The following MED13L variants were observed in gnomAD, a reference collection of about 807,000 sequenced individuals.
MED13L encodes the protein mediator of RNA polymerase II transcription subunit 13-like.
In MED13L, 7 loss-of-function variants were observed where a neutral mutation model predicts 220.9. The ratio of observed to expected loss-of-function variants is 0.03; its 90% CI spans 0.02 to 0.06. MED13L has a LOEUF of 0.06. Ranked by LOEUF, MED13L falls within the 10% of genes least tolerant of loss-of-function variation. The probability of loss-of-function intolerance (pLI) is 1.00; values close to 1 mark genes in which losing one functional copy is unlikely to be tolerated. For missense variants in MED13L, 1,965 were observed against 2,760.5 expected, an observed-to-expected ratio of 0.71 and a Z score of 6.46; for synonymous variants, 1,011 against 1,015.2, an observed-to-expected ratio of 1.00 and a Z score of 0.08.
chr12:116,150,443 C>G (rs1877947180), intron 2 of MED13L, among the ~76,000 whole-genome samples: 1 of 152,170 alleles, frequency 6.6e-6, no homozygotes, highest in Non-Finnish European at 1.5e-5. Flanking sequence ...ATTTAGTAAA[C>G]TAAACTTCTA....
chr12:116,029,375 T>C (rs1880590941), intron 4 of MED13L, among the ~76,000 whole-genome samples: 1 of 151,826 alleles, frequency 6.6e-6, no homozygotes, highest in Non-Finnish European at 1.5e-5. Context: ...CTGCCATTTT[T>C]AAAGACATTT....
At chr12:116,172,384 T>A (rs1214859208) in intron 2 of MED13L, among the ~76,000 whole-genome samples, 1 of 152,228 alleles carries the variant, frequency 6.6e-6, no homozygotes, top group Admixed American at 6.5e-5. Flanking sequence ...CCAGGTAGCC[T>A]GCTATGTCAC....
At chr12:116,179,312 T>C (rs1880323406) in intron 2 of MED13L, among the ~76,000 whole-genome samples, 1 of 151,976 alleles carries the variant, frequency 6.6e-6, no homozygotes, top group Non-Finnish European at 1.5e-5. Flanking sequence ...TAATTTATGT[T>C]ACAATATAAA....
rs1878414759 is a variant in MED13L at position 115,996,503 on chromosome 12, G to C, written c.2969C>G (p.Ala990Gly). ...PKIEQLPMPP[A>G]ATFIRDGYNN... is the part of the protein sequence containing the mutation. ...GTAGCCATCTCTAATGAAAGTGGCT[G>C]CAGGGGGCATGGGCAGTTGTTCAAT... The change falls in exon 16 of 31, where the codon GCA (alanine) becomes GGA (glycine). Residue 990 changes from alanine (A) to glycine (G), a missense_variant. By Grantham distance (60) the Ala-to-Gly change is moderately conservative. This residue lies in a region of MED13L where 233 missense variants were observed against 306.2 expected (regional missense o/e 0.76). Coordinates refer to ENST00000281928, the MANE Select transcript of MED13L (RefSeq NM_015335.5). 6.2e-7 allele frequency: 1 copy of C among 1,614,138 alleles called. No individual in the cohort carries two copies.
chr12:116,233,260 T>C (rs1483272625), intron 2 of MED13L, among the ~76,000 whole-genome samples: 1 of 152,162 alleles, frequency 6.6e-6, no homozygotes, highest in Admixed American at 6.5e-5. Context: ...AATTATAGTA[T>C]ATAATCATTA....
chr12:116,006,278 A>G, intron 12 of MED13L, 28 bp downstream of exon 12: 5 of 1,584,762 alleles, frequency 3.2e-6, no homozygotes, highest in Non-Finnish European at 4.3e-6. Context: ...GCAACAATCC[A>G]AGTGAGGCAA....
At chr12:115,995,780 T>G (rs1314891808) in intron 16 of MED13L, among the ~76,000 whole-genome samples, 1 of 152,130 alleles carries the variant, frequency 6.6e-6, no homozygotes, top group Non-Finnish European at 1.5e-5. Context: ...GGGGAAATCA[T>G]CTAACTCAAA....
chr12:116,033,501 T>G (rs1424229508), intron 4 of MED13L, among the ~76,000 whole-genome samples: 1 of 152,236 alleles, frequency 6.6e-6, no homozygotes, highest in Non-Finnish European at 1.5e-5. Context: ...GTGTTACAAG[T>G]ATGTCTCCAA....
intron 4 of MED13L, among the ~76,000 whole-genome samples, chr12:116,049,277 C>T (rs1023456983): frequency 7.2e-5 from 11 of 152,150 alleles, no homozygotes; most frequent in Non-Finnish European, 1.5e-4. Flanking sequence ...GAGATAACTG[C>T]TCATAAACCA....
At chr12:115,970,899 C>T (rs192280369) in intron 26 of MED13L, 129 bp from the exon 27 acceptor site, 62 of 890,464 alleles carry the variant, frequency 7.0e-5, no homozygotes, top group Non-Finnish European at 9.9e-5. Flanking sequence ...AAAATTGAGT[C>T]CAATTGTTTA....
At chr12:115,975,122 G>C in intron 25 of MED13L, 49 bp downstream of exon 25, 1 of 1,569,008 alleles carries the variant, frequency 6.4e-7, no homozygotes, top group Non-Finnish European at 8.8e-7. Flanking sequence ...GACAATAGCT[G>C]AGCCCTTTTC....
At chr12:116,231,494 T>C (rs187871062) in intron 2 of MED13L, among the ~76,000 whole-genome samples, 4 of 152,256 alleles carry the variant, frequency 2.6e-5, no homozygotes, top group Non-Finnish European at 5.9e-5. Context: ...ATCAATATCA[T>C]TGATCCCCAA....
intron 2 of MED13L, among the ~76,000 whole-genome samples, chr12:116,149,052 T>C (rs1378255235): frequency 6.6e-6 from 1 of 152,228 alleles, no homozygotes; most frequent in East Asian, 1.9e-4. Context: ...TTGTTTGAGA[T>C]ACTTTGATCA....
chr12:116,102,625 C>T (rs1290120690), intron 3 of MED13L, among the ~76,000 whole-genome samples: 1 of 151,686 alleles, frequency 6.6e-6, no homozygotes, highest in African/African-American at 2.4e-5. Flanking sequence ...CAATCCCTAA[C>T]CAAATAAAAT....
rs144526128 is a variant in MED13L, at chr12:116,129,487, G to A, written c.311-17975C>T. On this transcript the variant is annotated intron_variant, in intron 2 of 30. Coordinates refer to ENST00000281928, the MANE Select transcript of MED13L (RefSeq NM_015335.5). ...CCATTTTGCCCCTTTGGAGGTGAAC[G>A]TAAATTAAATCAAAGACATATAACA... is the stretch of plus-strand genomic sequence containing the variant. 5.1e-3 allele frequency among the ~76,000 whole-genome samples: 772 copies of A among 152,268 alleles called. 9 individuals are homozygous for A. The highest frequency in any genetic ancestry group is 0.018 in the African/African-American group (738 of 41,558).
chr12:116,088,583 G>A (rs1299478160), intron 4 of MED13L, among the ~76,000 whole-genome samples: 1 of 152,000 alleles, frequency 6.6e-6, no homozygotes, highest in African/African-American at 2.4e-5. Flanking sequence ...CAATTATCCA[G>A]CCCAAGAATC....
intron 1 of MED13L, among the ~76,000 whole-genome samples, chr12:116,253,483 AAC>A (rs974933323): frequency 6.6e-6 from 1 of 152,042 alleles, no homozygotes; most frequent in African/African-American, 2.4e-5. Context: ...ACCAAAACCA[AAC>A]AGAGATGATA....
intron 16 of MED13L, among the ~76,000 whole-genome samples, chr12:115,992,656 T>C (rs1878142069): frequency 6.6e-6 from 1 of 152,200 alleles, no homozygotes. Context: ...GCCTCAGTAT[T>C]AATTAGGTGG....
chr12:116,140,545 G>A (rs1032885804), intron 2 of MED13L, among the ~76,000 whole-genome samples: 1 of 152,148 alleles, frequency 6.6e-6, no homozygotes, highest in Non-Finnish European at 1.5e-5. Flanking sequence ...CTCATGAAAT[G>A]TTGCTATCTC....
Sources: allele counts gnomAD v4.1 joint callset (sites outside exome capture counted in the v4.1 genomes callset), GRCh38; gene constraint gnomAD v4.1.1; regional missense constraint gnomAD v4.1.1; transcripts MANE v1.5; gene names NCBI Gene and HGNC (gene_info 2026-07-23, HGNC 2026-07-21).